Variants in GRB14 observed in about 807,000 individuals in gnomAD.
GRB14 encodes growth factor receptor-bound protein 14.
A neutral mutation model predicts 69.1 loss-of-function variants in GRB14; 38 were observed. The observed-to-expected ratio is 0.55, with a 90% confidence interval of 0.42 to 0.72. GRB14 has a LOEUF of 0.72. Ranked by LOEUF, GRB14 falls within the 30% of genes least tolerant of loss-of-function variation. GRB14 has a pLI of 0.00. For synonymous variants in GRB14, 247 were observed against 241.3 expected (o/e 1.02, Z -0.22); for missense variants, 666 against 666.1 (o/e 1.00, Z 0.00).
rs534472671 is a variant in GRB14, at chr2:164,604,512, G to T, written c.324+15175C>A. Among the ~76,000 whole-genome samples, 12 of 152,048 alleles carry T rather than the reference G, an allele frequency of 7.9e-5. No homozygotes were observed. In the South Asian group the frequency reaches 2.3e-3, roughly 29 times the overall value. ...TATATGTGTAAAGGCATAAAAACAT[G>T]GAAAGAAAGGATACTCACCAACCTC... On this transcript the variant is annotated intron_variant, in intron 2 of 13. Coordinates refer to ENST00000263915, the MANE Select transcript of GRB14 (RefSeq NM_004490.3).
chr2:164,575,854 C>T (rs1166269002), intron 2 of GRB14, among the ~76,000 whole-genome samples: 2 of 151,826 alleles, frequency 1.3e-5, no homozygotes, highest in Non-Finnish European at 2.9e-5. Flanking sequence ...GAATTTTTTT[C>T]AAAAATCTAT....
chr2:164,538,837 G>A (rs1418509117), intron 3 of GRB14, among the ~76,000 whole-genome samples: 2 of 152,006 alleles, frequency 1.3e-5, no homozygotes, highest in Non-Finnish European at 2.9e-5. Flanking sequence ...ATAAATATCT[G>A]GCTCTGCTAT....
chr2:164,571,276 G>A (rs1028382410), intron 2 of GRB14, among the ~76,000 whole-genome samples: 1 of 152,102 alleles, frequency 6.6e-6, no homozygotes, highest in African/African-American at 2.4e-5. Flanking sequence ...CAAAAATGAG[G>A]ATAAAAAACT....
intron 2 of GRB14, among the ~76,000 whole-genome samples, chr2:164,564,396 G>A (rs1041610707): frequency 2.0e-5 from 3 of 152,188 alleles, no homozygotes; most frequent in African/African-American, 7.2e-5. Flanking sequence ...ATAGTGATGT[G>A]ATGATGTGTT....
At chr2:164,563,864 T>C (rs556218725) in intron 2 of GRB14, among the ~76,000 whole-genome samples, 1 of 152,282 alleles carries the variant, frequency 6.6e-6, no homozygotes, top group South Asian at 2.1e-4. Context: ...AAGACAACTT[T>C]TGGAAACCAA....
At chr2:164,554,745 T>C (rs1056602890) in intron 2 of GRB14, among the ~76,000 whole-genome samples, 1 of 151,928 alleles carries the variant, frequency 6.6e-6, no homozygotes, top group African/African-American at 2.4e-5. Flanking sequence ...GTGAAGCAAA[T>C]CTCTGTTTTG....
At chr2:164,516,012 A>T (rs1687473761) in intron 6 of GRB14, among the ~76,000 whole-genome samples, 1 of 151,860 alleles carries the variant, frequency 6.6e-6, no homozygotes, top group African/African-American at 2.4e-5. Context: ...AATCCAACAA[A>T]GACAAAAAAA....
chr2:164,531,217 A>G (rs1048852192), intron 3 of GRB14, among the ~76,000 whole-genome samples: 91 of 152,190 alleles, frequency 6.0e-4, no homozygotes, highest in Non-Finnish European at 1.5e-4. Flanking sequence ...CCAAGGGGGA[A>G]GTTGCATCCT....
chr2:164,492,919 C>T lies in GRB14; in HGVS notation c.*117G>A. 1 of 886,540 alleles carries T rather than the reference C, an allele frequency of 1.1e-6. No individual in the cohort carries two copies. The highest frequency in any genetic ancestry group is 1.7e-6 in the Non-Finnish European group (1 of 604,076). The allele number at this position is 886,540 out of a possible 1,614,324, so 54.9% of individuals were successfully genotyped here. ...CAATGCACAAACTATTTTTTTGTAA[C>T]TTGCAGGTGAAATACATTCTTTTCA... On this transcript the variant is annotated 3_prime_UTR_variant, in exon 14 of 14. Transcript: ENST00000263915.
rs189547243 is a variant in GRB14, at chr2:164,549,674, C to T, written c.325-1858G>A. 5.3e-3 allele frequency among the ~76,000 whole-genome samples: 812 copies of T among 151,936 alleles called. 12 individuals are homozygous for T. The highest frequency in any genetic ancestry group is 0.019 in the African/African-American group (768 of 41,420). On this transcript the variant is annotated intron_variant, in intron 2 of 13. Coordinates refer to ENST00000263915, the MANE Select transcript of GRB14 (RefSeq NM_004490.3). ...GGTCAGGAGTTCAAGACCAGCCTGG[C>T]CAACATGGCAAAACCCCATCTCCAC...
At chr2:164,580,657 T>A (rs576803032) in intron 2 of GRB14, among the ~76,000 whole-genome samples, 1 of 151,404 alleles carries the variant, frequency 6.6e-6, no homozygotes, top group African/African-American at 2.4e-5. Flanking sequence ...TGAGCCAAGA[T>A]TGTGCCACTG....
At chr2:164,497,166 A>G (rs888291402) in intron 11 of GRB14, 45 bp downstream of exon 11, 9 of 1,598,670 alleles carry the variant, frequency 5.6e-6, no homozygotes, top group Admixed American at 1.7e-5. Flanking sequence ...TGTCCTTTCC[A>G]TGTCTATCCG....
chr2:164,507,643 A>G (rs1484737914), intron 8 of GRB14, among the ~76,000 whole-genome samples: 3 of 152,336 alleles, frequency 2.0e-5, no homozygotes, highest in Middle Eastern at 3.4e-3. Context: ...AGCAGCAGCA[A>G]TACTAACTAA....
intron 4 of GRB14, among the ~76,000 whole-genome samples, chr2:164,526,369 C>T (rs1687773903): frequency 6.6e-6 from 1 of 151,956 alleles, no homozygotes; most frequent in South Asian, 2.1e-4. Flanking sequence ...GATCCCTAGT[C>T]TTCATTAGAA....
At chr2:164,566,365 CAGG>C (rs1688974225) in intron 2 of GRB14, among the ~76,000 whole-genome samples, 1 of 151,984 alleles carries the variant, frequency 6.6e-6, no homozygotes, top group Admixed American at 6.6e-5. Context: ...GTTAAAATAT[CAGG>C]AGAAGCACAT....
chr2:164,544,324 A>T (rs1474533577), intron 3 of GRB14, among the ~76,000 whole-genome samples: 4 of 152,156 alleles, frequency 2.6e-5, no homozygotes, highest in Non-Finnish European at 4.4e-5. Context: ...TCAGGGAAAA[A>T]CACTTCTTGA....
At chr2:164,616,434 A>G (rs1690299165) in intron 2 of GRB14, among the ~76,000 whole-genome samples, 1 of 151,342 alleles carries the variant, frequency 6.6e-6, no homozygotes. Context: ...TCAAAAAAAA[A>G]AAAAAAAAAA....
chr2:164,547,138 A>G (rs1284602020), intron 3 of GRB14, among the ~76,000 whole-genome samples: 1 of 152,222 alleles, frequency 6.6e-6, no homozygotes, highest in Non-Finnish European at 1.5e-5. Context: ...CTAATCCTTC[A>G]GTGCCAAGAT....
intron 3 of GRB14, among the ~76,000 whole-genome samples, chr2:164,529,792 A>C (rs143214968): frequency 4.6e-5 from 7 of 152,292 alleles, no homozygotes; most frequent in African/African-American, 1.7e-4. Flanking sequence ...CTCCTAAAAC[A>C]TGTGTATGAA....
Sources: allele counts gnomAD v4.1 joint callset (sites outside exome capture counted in the v4.1 genomes callset), GRCh38; gene constraint gnomAD v4.1.1; transcripts MANE v1.5; gene names NCBI Gene and HGNC (gene_info 2026-07-23, HGNC 2026-07-21).